EIF3D: variants seen among roughly 807,000 people sequenced by gnomAD.
The protein encoded by EIF3D is eukaryotic translation initiation factor 3 subunit D.
EIF3D carries 10 observed loss-of-function variants against 75.4 expected under a neutral mutation model. The observed-to-expected ratio is 0.13, with a 90% CI of 0.08 to 0.22. The LOEUF (loss-of-function observed/expected upper bound fraction) is 0.22. Among genes scored for constraint, EIF3D ranks in the 10% least tolerant of loss-of-function variants. The pLI, the probability that EIF3D is intolerant of heterozygous loss-of-function variation, is 1.00. For missense variants in EIF3D, 394 were observed against 708.0 expected (o/e 0.56, Z 5.03); for synonymous variants, 246 against 248.3 (o/e 0.99, Z 0.09).
intron 14 of EIF3D, 163 bp from the exon 15 acceptor site, chr22:36,511,163 C>T: frequency 1.1e-6 from 1 of 936,162 alleles, no homozygotes; most frequent in Non-Finnish European, 1.5e-6. Context: ...TTCCTTCAGT[C>T]ACCAGCTGGT....
At chr22:36,525,244 T>A (rs930037000) in intron 3 of EIF3D, among the ~76,000 whole-genome samples, 3,171 of 145,654 alleles carry the variant, frequency 0.022, 59 homozygotes, top group Non-Finnish European at 0.036. Context: ...TTTTACTTTT[T>A]TTTTTTTTTT....
At chr22:36,526,594 A>T (rs1459956678) in intron 1 of EIF3D, among the ~76,000 whole-genome samples, 1 of 151,110 alleles carries the variant, frequency 6.6e-6, no homozygotes, top group Admixed American at 6.6e-5. Flanking sequence ...CCTAAGACTT[A>T]GTAGTCTTTT....
chr22:36,525,198 A>T (rs1934576486), intron 3 of EIF3D, among the ~76,000 whole-genome samples: 1 of 151,426 alleles, frequency 6.6e-6, no homozygotes, highest in Non-Finnish European at 1.5e-5. Flanking sequence ...AGAGAGAAAA[A>T]GCCTTTTTAT....
At chr22:36,518,494 TAA>T (rs66811304) in intron 9 of EIF3D, among the ~76,000 whole-genome samples, 3 of 144,748 alleles carry the variant, frequency 2.1e-5, no homozygotes, top group Non-Finnish European at 3.0e-5. Context: ...CTGTCTCAAT[TAA>T]AAAAAAAAAA....
chr22:36,513,960 T>C lies in EIF3D; in HGVS notation c.1207-1358A>G, dbSNP rs1390539324. On this transcript the variant is annotated intron_variant, in intron 12 of 14. Coordinates refer to ENST00000216190, the MANE Select transcript of EIF3D (RefSeq NM_003753.4). Reference sequence around the variant, plus strand: ...ATCAAATATAGAAGTTGGGTGGAGGTAGAGAAATCAGTTAGGAGACAAATG... The same window carrying C: ...ATCAAATATAGAAGTTGGGTGGAGGCAGAGAAATCAGTTAGGAGACAAATG... 1.3e-5 allele frequency among the ~76,000 whole-genome samples: 2 copies of C among 152,144 alleles called. 1 individual carries two copies. The highest frequency in any genetic ancestry group is 1.3e-4 in the Admixed American group (2 of 15,284).
At chr22:36,515,483 G>C (rs1278741349) in intron 12 of EIF3D, among the ~76,000 whole-genome samples, 2 of 152,118 alleles carry the variant, frequency 1.3e-5, no homozygotes, top group African/African-American at 4.8e-5. Flanking sequence ...AGCCGAGATC[G>C]CACCGTTGCA....
chr22:36,528,236 C>T (rs1293359332), intron 1 of EIF3D, among the ~76,000 whole-genome samples: 1 of 152,064 alleles, frequency 6.6e-6, no homozygotes, highest in Non-Finnish European at 1.5e-5. Context: ...TATATTACAG[C>T]TGGGCAGCAG....
chr22:36,513,045 G>C (rs1029844852), intron 12 of EIF3D: 1 of 155,612 alleles, frequency 6.4e-6, no homozygotes, highest in Non-Finnish European at 1.4e-5. Flanking sequence ...GGATAGGAAA[G>C]ACAGGCAGAG....
intron 1 of EIF3D, among the ~76,000 whole-genome samples, chr22:36,527,568 C>T (rs535771406): frequency 2.0e-5 from 3 of 152,308 alleles, no homozygotes; most frequent in South Asian, 2.1e-4. Flanking sequence ...AGGCCGGGCG[C>T]GGTGGCTCAC....
intron 13 of EIF3D, 96 bp from the exon 14 acceptor site, chr22:36,511,882 C>G: frequency 6.8e-7 from 1 of 1,463,420 alleles, no homozygotes; most frequent in Non-Finnish European, 9.0e-7. Flanking sequence ...ACCTGGTCCA[C>G]TGCTATTTTT....
chr22:36,525,568 C>A, intron 3 of EIF3D, 96 bp downstream of exon 3: 1 of 1,330,764 alleles, frequency 7.5e-7, no homozygotes, highest in South Asian at 1.2e-5. Context: ...TTGGCAGTTT[C>A]TTCCCATTCT....
At chr22:36,527,574 C>T (rs1007472138) in intron 1 of EIF3D, among the ~76,000 whole-genome samples, 4 of 152,230 alleles carry the variant, frequency 2.6e-5, no homozygotes, top group African/African-American at 9.7e-5. Context: ...GGCGCGGTGG[C>T]TCACGCCTGT....
At chr22:36,518,639 C>G (rs1323470349) in intron 9 of EIF3D, 124 bp downstream of exon 9, 2 of 1,249,446 alleles carry the variant, frequency 1.6e-6, no homozygotes, top group Non-Finnish European at 2.2e-6. Flanking sequence ...GATTCAGACA[C>G]TGCTGCTGTC....
rs572416262 is a variant in EIF3D at position 36,525,176 on chromosome 22, A to G, written c.170-444T>C. Among the ~76,000 whole-genome samples, 20 of 151,120 alleles carry G rather than the reference A, an allele frequency of 1.3e-4. No homozygotes were observed. The South Asian group carries it at 4.2e-3, about 32-fold the overall frequency. ...GTTCTCCAGGCAGCCACCTCCAACT[A>G]TCTGAAGTGGCAGAGAGAAAAAGCC... On this transcript the variant is annotated intron_variant, in intron 3 of 14. Coordinates refer to ENST00000216190, the MANE Select transcript of EIF3D (RefSeq NM_003753.4).
At position 36,517,283 on chromosome 22, in the gene EIF3D, A is replaced by G. The variant is rs533576945; in HGVS notation, c.990+18T>C. On this transcript the variant is annotated intron_variant, in intron 10 of 14. Coordinates refer to ENST00000216190, the MANE Select transcript of EIF3D (RefSeq NM_003753.4). ...ATTAAATAAGAATGAATCAATGCCC[A>G]GAGACTCGTTTCCTCACCATTCTCA... 6.2e-6 allele frequency: 10 copies of G among 1,613,818 alleles called. No homozygotes were observed. The highest frequency in any genetic ancestry group is 1.3e-5 in the African/African-American group (1 of 75,060).
rs1003040822 is a variant in EIF3D at position 36,511,388 on chromosome 22, A to C, written c.1633+115T>G. 5.9e-6 allele frequency: 9 copies of C among 1,527,666 alleles called. 1 individual carries two copies. The highest frequency in any genetic ancestry group is 2.5e-5 in the South Asian group (2 of 78,472). The allele number at this position is 1,527,666 out of a possible 1,614,324, so 94.6% of individuals were successfully genotyped here. A position where few individuals can be genotyped will look rare whatever the true frequency, so the allele number is the denominator to read the frequency against. On this transcript the variant is annotated intron_variant, in intron 14 of 14. Coordinates refer to ENST00000216190, the MANE Select transcript of EIF3D (RefSeq NM_003753.4). ...CAAAGTGAATGCTTCTTCATACTTA[A>C]GTCTCAGGGAATTCTCGAAGTTTTA... is the stretch of plus-strand genomic sequence containing the variant.
chr22:36,516,763 G>A lies in EIF3D; in HGVS notation c.1018C>T (p.Pro340Ser). 1.9e-6 allele frequency: 3 copies of A among 1,614,178 alleles called. No homozygotes were observed. The highest frequency in any genetic ancestry group is 2.5e-6 in the Non-Finnish European group (3 of 1,180,034). Residue 340 changes from proline to serine, a missense_variant, in exon 11 of 15, where the codon CCA becomes TCA. Transcript: ENST00000216190. ...ATGTCGTCCTCCACAAACGGGTTTG[G>A]GTTGGGGAAGTTGTATCTTTCCTTC... ...MGKERYNFPN[P>S]NPFVEDDMDK...
chr22:36,516,711 G>A lies in EIF3D; in HGVS notation c.1070C>T (p.Ala357Val). The change falls in exon 11 of 15, where the codon GCG becomes GTG. Residue 357 changes from alanine to valine, a missense_variant. By Grantham distance (64) the Ala-to-Val change is moderately conservative. Coordinates refer to ENST00000216190, the MANE Select transcript of EIF3D (RefSeq NM_003753.4). ...DMDKNEIASV[A>V]YRYRRWKLGD... ...CACCAGAGAGGTGACCTACCGGTAC[G>A]CAACAGAGGCGATTTCATTCTTATC... The A allele has an allele frequency of 2.5e-6, 4 of 1,614,208 alleles. No homozygotes were observed. Among genetic ancestry groups the A allele is most frequent in the South Asian group, 2.2e-5 (2 of 91,086 alleles).
chr22:36,525,870 A>C, intron 2 of EIF3D, 129 bp downstream of exon 2: 1 of 1,476,558 alleles, frequency 6.8e-7, no homozygotes, highest in South Asian at 1.3e-5. Context: ...ACCCAGAGAT[A>C]ACCTTTCTCA....
Sources: gnomAD v4.1 joint callset for allele counts (sites outside exome capture counted in the v4.1 genomes callset) on GRCh38, gnomAD v4.1.1 for gene constraint, MANE v1.5 for transcripts, NCBI Gene and HGNC (gene_info 2026-07-23, HGNC 2026-07-21) for gene names.